The following COXFA4 variants were observed in gnomAD, a reference collection of about 807,000 sequenced individuals.
COXFA4 encodes cytochrome c oxidase associated subunit FA4, also known as cytochrome c oxidase subunit FA4.
chr7:10,939,681 G>C, the COXFA4 span: 2 of 400,944 alleles, frequency 5.0e-6, no homozygotes, highest in African/African-American at 4.1e-5. Flanking sequence ...GCTAGTCTCT[G>C]ACCCACACAG....
At chr7:10,938,210 A>C in the COXFA4 span, 4 of 1,425,278 alleles carry the variant, frequency 2.8e-6, no homozygotes, top group African/African-American at 4.2e-5. Context: ...TTTTGTACTA[A>C]GAATACATTT....
chr7:10,939,369 T>C, the COXFA4 span: 1 of 185,640 alleles, frequency 5.4e-6, no homozygotes, highest in Non-Finnish European at 1.1e-5. Context: ...CTTTAAGCAT[T>C]ATCTCTGAAA....
At chr7:10,934,579 C>T in the COXFA4 span, among the ~76,000 whole-genome samples, 1 of 152,054 alleles carries the variant, frequency 6.6e-6, no homozygotes, top group African/African-American at 2.4e-5. Context: ...TTATTTATCT[C>T]CAAAAGAACC....
chr7:10,933,984 A>G, the COXFA4 span, among the ~76,000 whole-genome samples: 1 of 152,294 alleles, frequency 6.6e-6, no homozygotes, highest in South Asian at 2.1e-4. Flanking sequence ...AAAGTGAATA[A>G]TTAAGAATTC....
chr7:10,937,045 C>A, the COXFA4 span, among the ~76,000 whole-genome samples: 1 of 151,880 alleles, frequency 6.6e-6, no homozygotes, highest in Non-Finnish European at 1.5e-5. Flanking sequence ...CCAACAACAA[C>A]AACAAAAAAA....
At chr7:10,933,607 T>C in the COXFA4 span, 1 of 1,588,692 alleles carries the variant, frequency 6.3e-7, no homozygotes, top group Non-Finnish European at 8.6e-7. Flanking sequence ...ACCTTCATTC[T>C]AAAGCAGCGT....
At chr7:10,933,377 A>C in the COXFA4 span, 1 of 423,426 alleles carries the variant, frequency 2.4e-6, no homozygotes, top group Non-Finnish European at 4.2e-6. Context: ...GAAATTCAAG[A>C]AATTCTTTAA....
At chr7:10,938,050 A>C in the COXFA4 span, 1 of 1,572,082 alleles carries the variant, frequency 6.4e-7, no homozygotes, top group Admixed American at 1.7e-5. Flanking sequence ...ACTTATTACA[A>C]CACAATTTCT....
chr7:10,936,709 GA>G, the COXFA4 span, among the ~76,000 whole-genome samples: 1 of 152,122 alleles, frequency 6.6e-6, no homozygotes, highest in Non-Finnish European at 1.5e-5. Context: ...AGGTTAAGGG[GA>G]AAACGTGAAA....
At chr7:10,935,724 C>T in the COXFA4 span, among the ~76,000 whole-genome samples, 2 of 152,330 alleles carry the variant, frequency 1.3e-5, no homozygotes, top group Middle Eastern at 3.4e-3. Context: ...TTGATCTGGA[C>T]TTCCCAGCCT....
the COXFA4 span, among the ~76,000 whole-genome samples, chr7:10,935,916 ATAAG>A: frequency 6.6e-6 from 1 of 152,214 alleles, no homozygotes; most frequent in Admixed American, 6.5e-5. Flanking sequence ...TCTAAGGTGA[ATAAG>A]TAGCCCTTAC....
the COXFA4 span, chr7:10,937,802 T>C: frequency 5.6e-5 from 21 of 376,576 alleles, no homozygotes; most frequent in Non-Finnish European, 9.2e-5. Flanking sequence ...ACAAGCTCTA[T>C]GTATAATGAA....
chr7:10,938,193 T>C, the COXFA4 span: 3 of 1,510,676 alleles, frequency 2.0e-6, no homozygotes, highest in Admixed American at 3.4e-5. Context: ...TAAAGCACTA[T>C]TTAGTGTTTT....
chr7:10,939,116 C>A, the COXFA4 span: 1 of 475,748 alleles, frequency 2.1e-6, no homozygotes, highest in Admixed American at 3.5e-5. Context: ...TAAGATGACT[C>A]TGGTTTAAGT....
chr7:10,935,502 C>A, the COXFA4 span, among the ~76,000 whole-genome samples: 1 of 152,204 alleles, frequency 6.6e-6, no homozygotes, highest in Non-Finnish European at 1.5e-5. Flanking sequence ...TCCTCTGCTA[C>A]GGACTGAATG....
chr7:10,938,741 A>G, the COXFA4 span: 1 of 1,122,008 alleles, frequency 8.9e-7, no homozygotes, highest in Non-Finnish European at 1.4e-6. Context: ...TTATCGCCCT[A>G]CAGAGACTGT....
At chr7:10,934,905 A>C in the COXFA4 span, among the ~76,000 whole-genome samples, 2 of 152,224 alleles carry the variant, frequency 1.3e-5, no homozygotes. Flanking sequence ...TAAAAAAAGA[A>C]AAAGAAACTA....
At chr7:10,939,370 A>C in the COXFA4 span, 34 of 185,758 alleles carry the variant, frequency 1.8e-4, no homozygotes, top group African/African-American at 7.6e-4. Flanking sequence ...TTTAAGCATT[A>C]TCTCTGAAAA....
chr7:10,940,024 G>A, the COXFA4 span: 3 of 1,613,930 alleles, frequency 1.9e-6, no homozygotes, highest in Non-Finnish European at 2.5e-6. Flanking sequence ...ACGCTCGGAT[G>A]CTTCTTGGCC....
Sources: allele counts gnomAD v4.1 joint callset (sites outside exome capture counted in the v4.1 genomes callset), GRCh38; gene constraint gnomAD v4.1.1; transcripts MANE v1.5; gene names NCBI Gene and HGNC (gene_info 2026-07-23, HGNC 2026-07-21).